The following NRG3 variants were observed in gnomAD, a reference collection of about 807,000 sequenced individuals.
NRG3 encodes the protein neuregulin 3.
In NRG3, 31 loss-of-function variants were observed where a neutral mutation model predicts 66.9. The observed-to-expected ratio is 0.46, with a 90% CI of 0.35 to 0.63. NRG3 has a LOEUF of 0.63. Ranked by LOEUF, NRG3 falls within the 20% of genes least tolerant of loss-of-function variation. The pLI, the probability that NRG3 is intolerant of heterozygous loss-of-function variation, is 0.00. For synonymous variants in NRG3, 393 were observed against 359.4 expected (o/e 1.09, Z -1.06); for missense variants, 910 against 878.9 (o/e 1.04, Z -0.45).
At chr10:82,922,574 A>C (rs1179477750) in intron 4 of NRG3, among the ~76,000 whole-genome samples, 1 of 152,180 alleles carries the variant, frequency 6.6e-6, no homozygotes, top group Non-Finnish European at 1.5e-5. Context: ...CTGGAGGTTT[A>C]GATGCACCTG....
At chr10:82,363,443 T>TTTTG (rs3068953) in intron 2 of NRG3, among the ~76,000 whole-genome samples, 20,255 of 151,854 alleles carry the variant, frequency 0.13, 1,492 homozygotes, top group East Asian at 0.29. Context: ...TTATACTGTT[T>TTTTG]TTTGTTTGTT....
intron 1 of NRG3, among the ~76,000 whole-genome samples, chr10:82,068,479 G>A (rs760842213): frequency 8.5e-5 from 13 of 152,188 alleles, no homozygotes; most frequent in Non-Finnish European, 1.2e-4. Context: ...CTTGAGAAGC[G>A]TACAGCTTAG....
intron 3 of NRG3, among the ~76,000 whole-genome samples, chr10:82,850,762 A>G (rs2063524021): frequency 6.6e-6 from 1 of 152,164 alleles, no homozygotes; most frequent in South Asian, 2.1e-4. Context: ...ATAAAGTAAA[A>G]TGTAAAGATA....
chr10:82,863,371 T>C (rs2064241931), intron 3 of NRG3, among the ~76,000 whole-genome samples: 1 of 152,212 alleles, frequency 6.6e-6, no homozygotes, highest in East Asian at 1.9e-4. Flanking sequence ...TTTGGGTATA[T>C]ACCCAGTAAT....
At chr10:82,096,879 A>G (rs1258032978) in intron 1 of NRG3, among the ~76,000 whole-genome samples, 1 of 152,200 alleles carries the variant, frequency 6.6e-6, no homozygotes, top group Non-Finnish European at 1.5e-5. Flanking sequence ...ATATAATAGA[A>G]TAAGCCCTGA....
chr10:82,127,549 C>A (rs2068528626), intron 1 of NRG3, among the ~76,000 whole-genome samples: 1 of 151,980 alleles, frequency 6.6e-6, no homozygotes, highest in African/African-American at 2.4e-5. Flanking sequence ...ATGTTATCAC[C>A]AGAAGTGTGA....
At chr10:82,102,064 A>ATG (rs1224543090) in intron 1 of NRG3, among the ~76,000 whole-genome samples, 1 of 138,886 alleles carries the variant, frequency 7.2e-6, no homozygotes, top group Non-Finnish European at 1.6e-5. Flanking sequence ...GTGTGTATAT[A>ATG]TGTGTGTATA....
intron 2 of NRG3, among the ~76,000 whole-genome samples, chr10:82,511,798 T>C (rs928273184): frequency 2.0e-5 from 3 of 151,898 alleles, no homozygotes; most frequent in Non-Finnish European, 4.4e-5. Context: ...GAATAGATCA[T>C]GTCAGGAAAC....
At chr10:82,647,920 G>A (rs1176410619) in intron 2 of NRG3, among the ~76,000 whole-genome samples, 1 of 147,280 alleles carries the variant, frequency 6.8e-6, no homozygotes, top group African/African-American at 2.5e-5. Flanking sequence ...TGTCAGATGA[G>A]TAGGTTGCGA....
chr10:82,879,621 C>T (rs1013720517), intron 4 of NRG3, among the ~76,000 whole-genome samples: 4 of 152,050 alleles, frequency 2.6e-5, no homozygotes, highest in Middle Eastern at 6.8e-3. Context: ...TACAGGCGCC[C>T]GCCACCACAC....
intron 2 of NRG3, among the ~76,000 whole-genome samples, chr10:82,486,814 A>C (rs1842719433): frequency 6.6e-6 from 1 of 152,176 alleles, no homozygotes; most frequent in Non-Finnish European, 1.5e-5. Flanking sequence ...AAGTGAAATA[A>C]GCCAGTCACA....
At chr10:82,122,654 C>T (rs144427567) in intron 1 of NRG3, among the ~76,000 whole-genome samples, 1 of 152,188 alleles carries the variant, frequency 6.6e-6, no homozygotes, top group East Asian at 1.9e-4. Context: ...GCCCTGAATA[C>T]CTGTTAGCTT....
chr10:82,051,220 C>T (rs570423601), intron 1 of NRG3, among the ~76,000 whole-genome samples: 1 of 152,090 alleles, frequency 6.6e-6, no homozygotes, highest in South Asian at 2.1e-4. Flanking sequence ...TTTTAAGAGG[C>T]CACTCAATCA....
chr10:82,412,000 T>A (rs72829303), intron 2 of NRG3, among the ~76,000 whole-genome samples: 20,357 of 151,904 alleles, frequency 0.13, 1,614 homozygotes, highest in East Asian at 0.3. Flanking sequence ...CCAAGCAAAG[T>A]CAAGAAGAAG....
chr10:82,490,102 A>G (rs1211334380), intron 2 of NRG3, among the ~76,000 whole-genome samples: 2 of 152,186 alleles, frequency 1.3e-5, no homozygotes, highest in Non-Finnish European at 2.9e-5. Flanking sequence ...TGCCATCTCT[A>G]TGTTAATATA....
intron 3 of NRG3, among the ~76,000 whole-genome samples, chr10:82,837,887 A>G (rs990987192): frequency 6.6e-6 from 1 of 152,192 alleles, no homozygotes. Context: ...GTCATAGGAT[A>G]AGGCACTTAT....
intron 2 of NRG3, among the ~76,000 whole-genome samples, chr10:82,708,596 C>G (rs1337822009): frequency 1.3e-5 from 2 of 152,054 alleles, no homozygotes; most frequent in African/African-American, 4.8e-5. Flanking sequence ...TATGATCATC[C>G]CATCTGATGC....
intron 2 of NRG3, among the ~76,000 whole-genome samples, chr10:82,383,168 G>A (rs2085736994): frequency 6.6e-6 from 1 of 151,854 alleles, no homozygotes; most frequent in South Asian, 2.1e-4. Flanking sequence ...TTTGTTTTCG[G>A]TAGGGTAATT....
At chr10:82,500,628 T>G (rs1844082781) in intron 2 of NRG3, among the ~76,000 whole-genome samples, 1 of 102,890 alleles carries the variant, frequency 9.7e-6, no homozygotes, top group Non-Finnish European at 2.7e-5. Context: ...ATCTTTGTCC[T>G]TTGGCAATAA....
Sources: gnomAD v4.1 joint callset for allele counts (sites outside exome capture counted in the v4.1 genomes callset) on GRCh38, gnomAD v4.1.1 for gene constraint, MANE v1.5 for transcripts, NCBI Gene and HGNC (gene_info 2026-07-23, HGNC 2026-07-21) for gene names.